The following TPRA1 variants were observed in gnomAD, a reference collection of about 807,000 sequenced individuals.
The protein encoded by TPRA1 is transmembrane protein adipocyte-associated 1.
Under a neutral mutation model 40.1 loss-of-function variants are expected in TPRA1, and 28 were observed. That is an observed-to-expected ratio of 0.70 (90% confidence interval 0.52 to 0.96). The LOEUF (loss-of-function observed/expected upper bound fraction) is 0.96, where lower values mean the gene tolerates loss of function less well. TPRA1 is among the 40% of genes least tolerant of loss of function. The pLI, the probability that TPRA1 is intolerant of heterozygous loss-of-function variation, is 0.00. For synonymous variants in TPRA1, 219 were observed against 209.7 expected, an observed-to-expected ratio of 1.04 and a Z score of -0.38; for missense variants, 441 against 482.6, an observed-to-expected ratio of 0.91 and a Z score of 0.81.
chr3:127,574,031 A>T (rs558390850), intron 10 of TPRA1, among the ~76,000 whole-genome samples: 17 of 152,298 alleles, frequency 1.1e-4, no homozygotes, highest in Non-Finnish European at 1.9e-4. Flanking sequence ...CTCATGGTGA[A>T]ATGGGTGTGT....
intron 10 of TPRA1, 120 bp from the exon 11 acceptor site, chr3:127,573,908 A>C: frequency 1.5e-6 from 2 of 1,297,210 alleles, no homozygotes; most frequent in Non-Finnish European, 1.0e-6. Flanking sequence ...CCTGACACCC[A>C]CTCTGAGTGG....
At chr3:127,590,324 G>A (rs1022050821) in intron 1 of TPRA1, 86 bp downstream of exon 1, 4 of 152,232 alleles carry the variant, frequency 2.6e-5, no homozygotes, top group Non-Finnish European at 4.4e-5. Flanking sequence ...GCAAGGAGGG[G>A]AACGGCGGCT....
rs2073383722 is a variant in TPRA1 at position 127,571,794 on chromosome 3, T to G, written c.*1727A>C. 1 of 152,178 alleles carries G rather than the reference T, an allele frequency of 6.6e-6. No homozygotes were observed. The allele number at this position is 152,178 out of a possible 1,614,324, so 9.4% of individuals were successfully genotyped here. ...CCTGTACTGCATGAACCTTTTTTTT[T>G]CTTGCCATGTACATATATGACCTAT... On this transcript the variant is annotated 3_prime_UTR_variant, in exon 11 of 11. Coordinates refer to ENST00000355552, the MANE Select transcript of TPRA1 (RefSeq NM_001136053.4).
chr3:127,575,839 C>A (rs766886039), intron 7 of TPRA1, 30 bp from the exon 8 acceptor site: 24 of 1,613,176 alleles, frequency 1.5e-5, no homozygotes, highest in African/African-American at 2.7e-5. Context: ...TGAGAAGGTG[C>A]TGGGGGCGCC....
At chr3:127,588,863 G>A (rs2074081166) in intron 1 of TPRA1, among the ~76,000 whole-genome samples, 1 of 152,338 alleles carries the variant, frequency 6.6e-6, no homozygotes, top group East Asian at 1.9e-4. Flanking sequence ...CAGAGGAGAG[G>A]AGAGGCAGAG....
chr3:127,576,049 C>A lies in TPRA1; in HGVS notation c.500G>T (p.Gly167Val). The A allele has an allele frequency of 1.2e-6, 2 of 1,612,780 alleles. No homozygotes were observed. Among genetic ancestry groups the A allele is most frequent in the Non-Finnish European group, 1.7e-6 (2 of 1,179,076 alleles). The change falls in exon 7 of 11, where the codon GGG (glycine) becomes GTG (valine). Residue 167 changes from glycine (G) to valine (V), a missense_variant and splice_region_variant. Physicochemically the swap from Gly to Val is moderately radical, Grantham distance 109. Coordinates refer to ENST00000355552, the MANE Select transcript of TPRA1 (RefSeq NM_001136053.4). This position sits in a 1 kb window ranked among gnomAD's most constrained non-coding sequence, Gnocchi z 4.6. ...ATCAGGGTACAGGATCTCCAGGGTC[C>A]CCTGCAGGGGCAAGCAGGAAGGGAG... Reference protein sequence around the residue: ...VLSLAYSVTQGTLEILYPDAH... With the variant: ...VLSLAYSVTQVTLEILYPDAH...
chr3:127,584,150 G>T (rs1315572378), intron 1 of TPRA1, among the ~76,000 whole-genome samples: 1 of 141,392 alleles, frequency 7.1e-6, no homozygotes, highest in Non-Finnish European at 1.5e-5. Context: ...AAAAAAAAAA[G>T]CAAACTTGAC....
chr3:127,591,124 C>A (rs1212242678), upstream of TPRA1: 1 of 152,148 alleles, frequency 6.6e-6, no homozygotes, highest in Non-Finnish European at 1.5e-5. Flanking sequence ...CTCCGGGGAC[C>A]GCCCCCTCGC....
At position 127,580,126 on chromosome 3, in the gene TPRA1, C is replaced by G. The variant is rs776007924; in HGVS notation, c.21G>C (p.Val7=). 1 of 1,613,262 alleles carries G rather than the reference C, an allele frequency of 6.2e-7. No individual in the cohort carries two copies. Among genetic ancestry groups the G allele is most frequent in the East Asian group, 2.2e-5 (1 of 44,884 alleles). MDTLEE[V]TWANGSTALP... ...GCGCTGTGCTCCCATTGGCCCAAGT[C>G]ACCTCCTCCAGGGTGTCCATCCCGC... The change falls in exon 2 of 11, where the codon GTG becomes GTC. Residue 7 remains valine (V), a synonymous_variant. Transcript: ENST00000355552.
chr3:127,587,675 C>CTT (rs1171996656), intron 1 of TPRA1, among the ~76,000 whole-genome samples: 26 of 129,760 alleles, frequency 2.0e-4, no homozygotes, highest in South Asian at 5.2e-4. Context: ...TGCTGCTTTT[C>CTT]TTTTTTTTTT....
At position 127,576,590 on chromosome 3, in the gene TPRA1, G is replaced by A. The variant is rs373304774; in HGVS notation, c.498+27C>T. On this transcript the variant is annotated intron_variant, in intron 6 of 10. Coordinates refer to ENST00000355552, the MANE Select transcript of TPRA1 (RefSeq NM_001136053.4). This position sits in a 1 kb window ranked among gnomAD's most constrained non-coding sequence, Gnocchi z 4.6. ...GGTGCCTGGTGCCCTGACTCCTAGC[G>A]TCCCCTGCCCACACTCACCCTCTTA... 1.2e-5 allele frequency: 18 copies of A among 1,557,838 alleles called. No homozygotes were observed. The highest frequency in any genetic ancestry group is 3.7e-5 in the Admixed American group (2 of 54,176).
rs1186094801 is a variant in TPRA1 at position 127,573,767 on chromosome 3, G to C, written c.876C>G (p.Phe292Leu). ...TCTCGTCCACTTGGCATTTGTAGGA[G>C]AAGAGGATCTTGGGCTCCGAGCTGA... is the stretch of plus-strand genomic sequence containing the variant. ...GFFGSEPKILFSYKCQVDETE... is the reference protein window; with the variant it reads ...GFFGSEPKILLSYKCQVDETE... Residue 292 changes from phenylalanine to leucine, a missense_variant, in exon 11 of 11, where the codon TTC becomes TTG. Phe to Leu is a conservative substitution (Grantham distance 22, BLOSUM62 0). Transcript: ENST00000355552. 1 of 1,581,878 alleles carries C rather than the reference G, an allele frequency of 6.3e-7. No individual in the cohort carries two copies. The highest frequency in any genetic ancestry group is 1.1e-5 in the South Asian group (1 of 89,062).
Position 127,584,925 on chromosome 3 carries a change from G to A in TPRA1, c.-17-4762C>T, listed in dbSNP as rs1457712866. Among the ~76,000 whole-genome samples the A allele has an allele frequency of 3.3e-5, 5 of 152,088 alleles. No individual in the cohort carries two copies. The East Asian group carries it at 7.7e-4, about 24-fold the overall frequency. On this transcript the variant is annotated intron_variant, in intron 1 of 10. Transcript: ENST00000355552. Reference sequence around the variant, plus strand: ...TTCCCGGTGGCTGGAATATAGATACGACAGTGGGAGCAAGAGCAGCCTCCT... The same window carrying A: ...TTCCCGGTGGCTGGAATATAGATACAACAGTGGGAGCAAGAGCAGCCTCCT...
At chr3:127,582,328 G>A (rs1190554445) in intron 1 of TPRA1, among the ~76,000 whole-genome samples, 2 of 152,160 alleles carry the variant, frequency 1.3e-5, no homozygotes, top group Non-Finnish European at 2.9e-5. Flanking sequence ...CACTTTGGGA[G>A]GCTGAGGAGG....
In TPRA1 at chr3:127,575,166, C is replaced by A; in HGVS notation, c.854+19G>T. 1 of 1,611,234 alleles carries A rather than the reference C, an allele frequency of 6.2e-7. No homozygotes were observed. The highest frequency in any genetic ancestry group is 8.5e-7 in the Non-Finnish European group (1 of 1,179,314). ...TTCCGCCGGCAGCCACGCGGGGGCG[C>A]CGGCGGCCACAGACTCACCCGAAGA... On this transcript the variant is annotated intron_variant, in intron 10 of 10. Transcript: ENST00000355552.
At chr3:127,594,024 A>G (rs1444196650), upstream of TPRA1, among the ~76,000 whole-genome samples, 1 of 152,244 alleles carries the variant, frequency 6.6e-6, no homozygotes, top group Non-Finnish European at 1.5e-5. Context: ...GTCAATGACA[A>G]TGTGCTAATC....
intron 1 of TPRA1, among the ~76,000 whole-genome samples, chr3:127,581,322 G>A (rs2073823620): frequency 1.3e-5 from 2 of 152,218 alleles, no homozygotes; most frequent in South Asian, 2.1e-4. Context: ...AGGTTCCTAC[G>A]GTTGACACTT....
In TPRA1 at chr3:127,580,201, T is replaced by C. The variant is rs2073788552; in HGVS notation, c.-17-38A>G. The C allele has an allele frequency of 1.9e-6, 3 of 1,587,468 alleles. No homozygotes were observed. The South Asian group carries it at 3.4e-5, about 18-fold the overall frequency. On this transcript the variant is annotated intron_variant, in intron 1 of 10. Transcript: ENST00000355552. ...GAGCCGCCCAGTGAGCTGTGTGGCC[T>C]GGGCCACTGTCCTCCTTCCCCTGGA... is the stretch of plus-strand genomic sequence containing the variant.
At chr3:127,591,422 C>T (rs1205282550), upstream of TPRA1, among the ~76,000 whole-genome samples, 1 of 152,234 alleles carries the variant, frequency 6.6e-6, no homozygotes, top group Non-Finnish European at 1.5e-5. Context: ...ACGCCTCTCC[C>T]CAACTCTAAC....
Sources: gnomAD v4.1 joint callset for allele counts (sites outside exome capture counted in the v4.1 genomes callset) on GRCh38, gnomAD v4.1.1 for gene constraint, Gnocchi (gnomAD v3.1) non-coding constraint, MANE v1.5 for transcripts, NCBI Gene and HGNC (gene_info 2026-07-23, HGNC 2026-07-21) for gene names.